Variants in XKR5 observed in about 807,000 individuals in gnomAD.
XKR5 encodes XK-related protein 5.
Under a neutral mutation model 40.8 loss-of-function variants are expected in XKR5, and 46 were observed. The observed-to-expected ratio is 1.13, with a 90% confidence interval of 0.89 to 1.44. The LOEUF (loss-of-function observed/expected upper bound fraction) is 1.44. Among genes scored for constraint, XKR5 ranks in the 40% most tolerant of loss-of-function variants. The pLI is 0.00. For synonymous variants in XKR5, 466 were observed against 356.1 expected (o/e 1.31, Z -3.48); for missense variants, 1,169 against 844.7 (o/e 1.38, Z -4.76).
At position 6,811,221 on chromosome 8, in the gene XKR5, G is replaced by C; in HGVS notation, c.2038C>G (p.Gln680Glu). The C allele has an allele frequency of 6.5e-7, 1 of 1,536,682 alleles. No individual in the cohort carries two copies. Among genetic ancestry groups the C allele is most frequent in the Non-Finnish European group, 8.7e-7 (1 of 1,146,504 alleles). The change falls in exon 7 of 7, where the codon CAA (glutamine) becomes GAA (glutamate). Residue 680 changes from glutamine to glutamate, a missense_variant. Transcript: ENST00000618742. Reference protein sequence around the residue: ...TDCSCREQMKQEPSFFI With the variant: ...TDCSCREQMKEEPSFFI ...GGTCAGATGAAAAAACTCGGCTCTT[G>C]CTTCATCTGTTCCCTGCAGCTGCAG...
chr8:6,830,140 A>G (rs1348956248), intron 2 of XKR5, among the ~76,000 whole-genome samples: 2 of 152,224 alleles, frequency 1.3e-5, no homozygotes, highest in South Asian at 2.1e-4. Context: ...CCAGGCCTCA[A>G]TCCTTGCATT....
rs1804821445 is a variant in XKR5, at chr8:6,832,662, T to C, written c.242+55A>G. The stretch of plus-strand genomic sequence containing the variant: ...AGAATCCACATGGAGAGAAGATTCC[T>C]CTCACTGCACTTGTGCAATTGTGCT... On this transcript the variant is annotated intron_variant, in intron 2 of 6. Coordinates refer to ENST00000618742, the MANE Select transcript of XKR5 (RefSeq NM_207411.5). 3.1e-6 allele frequency: 5 copies of C among 1,594,480 alleles called. No homozygotes were observed. In the Admixed American group the frequency reaches 8.7e-5, roughly 28 times the overall value.
At chr8:6,833,914 C>T (rs976466271) in intron 1 of XKR5, among the ~76,000 whole-genome samples, 2 of 152,192 alleles carry the variant, frequency 1.3e-5, no homozygotes, top group Non-Finnish European at 2.9e-5. Context: ...TCCTCGAGAA[C>T]GATGAAACCT....
intron 2 of XKR5, among the ~76,000 whole-genome samples, chr8:6,830,581 T>C (rs952100076): frequency 6.6e-6 from 1 of 152,216 alleles, no homozygotes; most frequent in Non-Finnish European, 1.5e-5. Flanking sequence ...CTCTATCTTG[T>C]TTTCTAACAT....
rs1804262175 is a variant in XKR5 at position 6,822,022 on chromosome 8, C to G, written c.654G>C (p.Val218=). The G allele has an allele frequency of 3.1e-6, 5 of 1,604,978 alleles. No homozygotes were observed. The South Asian group carries it at 5.6e-5, about 18-fold the overall frequency. ...GCTGGGCGACAAGCCAGAATGTCATCACCAGCCAGTGGGCACCTGCAGAGA... is the reference window on the plus strand; with the variant it reads ...GCTGGGCGACAAGCCAGAATGTCATGACCAGCCAGTGGGCACCTGCAGAGA... ...VFVVAGAHWL[V]MTFWLVAQQS... Residue 218 remains valine (V), a synonymous_variant, in exon 5 of 7, where the codon GTG becomes GTC. Transcript: ENST00000618742.
At chr8:6,827,209 A>G (rs945651434) in intron 2 of XKR5, among the ~76,000 whole-genome samples, 4 of 152,182 alleles carry the variant, frequency 2.6e-5, no homozygotes, top group African/African-American at 7.2e-5. Context: ...TCTACCTAGC[A>G]GCAGCAATAA....
intron 2 of XKR5, among the ~76,000 whole-genome samples, chr8:6,830,748 C>T (rs1007958096): frequency 2.0e-5 from 3 of 152,166 alleles, no homozygotes; most frequent in African/African-American, 7.2e-5. Flanking sequence ...TGTATCTCTT[C>T]ACTTATCTAT....
chr8:6,835,523 G>A lies in XKR5; in HGVS notation c.-30C>T, dbSNP rs776584512. ...CGTGCCGACCCCGCAGCCTGCGCCC[G>A]CCCCTTCCCCTGCACGCGGCCCCGC... On this transcript the variant is annotated 5_prime_UTR_variant, in exon 1 of 7. Coordinates refer to ENST00000618742, the MANE Select transcript of XKR5 (RefSeq NM_207411.5). 2.7e-6 allele frequency: 4 copies of A among 1,484,078 alleles called. No homozygotes were observed. Among genetic ancestry groups the A allele is most frequent in the Middle Eastern group, 3.9e-4 (2 of 5,118 alleles). The allele number at this position is 1,484,078 out of a possible 1,614,324, so 91.9% of individuals were successfully genotyped here.
intron 5 of XKR5, 44 bp from the exon 6 acceptor site, chr8:6,815,962 A>G: frequency 1.4e-6 from 2 of 1,450,544 alleles, no homozygotes; most frequent in Non-Finnish European, 1.9e-6. Context: ...TCAGGTGCAC[A>G]CTGCCTAGGG....
chr8:6,818,365 T>A (rs1206701549), intron 5 of XKR5, among the ~76,000 whole-genome samples: 2 of 152,168 alleles, frequency 1.3e-5, no homozygotes, highest in Non-Finnish European at 2.9e-5. Flanking sequence ...TCCTGTAGGG[T>A]TTTGATAGCG....
chr8:6,817,833 C>G (rs1183384624), intron 5 of XKR5, among the ~76,000 whole-genome samples: 1 of 152,180 alleles, frequency 6.6e-6, no homozygotes, highest in African/African-American at 2.4e-5. Context: ...GTGCATTGCC[C>G]TAACAGGACT....
At position 6,815,923 on chromosome 8, in the gene XKR5, G is replaced by A. The variant is rs538792583; in HGVS notation, c.808-5C>T. 21 of 1,589,180 alleles carry A rather than the reference G, an allele frequency of 1.3e-5. No homozygotes were observed. Among genetic ancestry groups the A allele is most frequent in the East Asian group, 2.3e-5 (1 of 43,482 alleles). On this transcript the variant is annotated splice_polypyrimidine_tract_variant and splice_region_variant and intron_variant, in intron 5 of 6. Coordinates refer to ENST00000618742, the MANE Select transcript of XKR5 (RefSeq NM_207411.5). ...GATGTTCTCCAACAGCATGACCTGC[G>A]GGACCCAGGACAGAGGCACCACACC... is the stretch of plus-strand genomic sequence containing the variant.
In XKR5 at chr8:6,812,030, A is replaced by C. The variant is rs1272381197; in HGVS notation, c.1229T>G (p.Leu410Arg). 3 of 1,537,700 alleles carry C rather than the reference A, an allele frequency of 2.0e-6. No homozygotes were observed. Among genetic ancestry groups the C allele is most frequent in the Non-Finnish European group, 2.6e-6 (3 of 1,146,936 alleles). The change falls in exon 7 of 7, where the codon CTT becomes CGT. Residue 410 changes from leucine to arginine, a missense_variant. Transcript: ENST00000618742. ...LSHHHWLWVK[L>R]ALKTGNVSKI... is the part of the protein sequence containing the mutation. ...AGACACATTTCCTGTTTTTAGGGCAAGTTTCACCCACAGCCAGTGGTGATG... is the reference window on the plus strand; with the variant it reads ...AGACACATTTCCTGTTTTTAGGGCACGTTTCACCCACAGCCAGTGGTGATG...
rs531636400 is a variant in XKR5, at chr8:6,816,682, AT to A, written c.808-765del. On this transcript the variant is annotated intron_variant, in intron 5 of 6. Transcript: ENST00000618742. ...TTTTATTTAATTAAATAATTATTTA[AT>A]TTAATTAAAAATAATTTAATTTTAT... Among the ~76,000 whole-genome samples, 195 of 107,132 alleles carry A rather than the reference AT, an allele frequency of 1.8e-3. No homozygotes were observed. In the Middle Eastern group the frequency reaches 0.021, roughly 12 times the overall value. 70.3% of individuals were successfully genotyped at this position (107,132 alleles called of 152,430 possible).
chr8:6,822,176 G>C, intron 4 of XKR5, 138 bp from the exon 5 acceptor site: 1 of 791,192 alleles, frequency 1.3e-6, no homozygotes, highest in South Asian at 2.0e-5. Flanking sequence ...AAACCCAGAA[G>C]AGATTTGAGG....
At chr8:6,813,872 C>T (rs1039427886) in intron 6 of XKR5, among the ~76,000 whole-genome samples, 10 of 152,306 alleles carry the variant, frequency 6.6e-5, no homozygotes, top group East Asian at 3.9e-4. Context: ...GACAGGTTTT[C>T]GGAGTGGTGT....
chr8:6,823,786 C>T, intron 3 of XKR5, 56 bp from the exon 4 acceptor site: 1 of 1,414,258 alleles, frequency 7.1e-7, no homozygotes, highest in Non-Finnish European at 9.7e-7. Flanking sequence ...GTAACAGTAC[C>T]TTGTGAAGAT....
At position 6,835,429 on chromosome 8, in the gene XKR5, C is replaced by G; in HGVS notation, c.58+7G>C. 6.8e-7 allele frequency: 1 copy of G among 1,479,594 alleles called. No individual in the cohort carries two copies. Among genetic ancestry groups the G allele is most frequent in the Non-Finnish European group, 8.9e-7 (1 of 1,121,950 alleles). 91.7% of individuals were successfully genotyped at this position (1,479,594 alleles called of 1,614,324 possible). The stretch of plus-strand genomic sequence containing the variant: ...GGGTGAGCACAGCCTCGGGCTGCCG[C>G]ACTCACGCGCGCTCTGCTCGGCCGC... On this transcript the variant is annotated splice_region_variant and intron_variant, in intron 1 of 6. Transcript: ENST00000618742.
In XKR5 at chr8:6,812,141, A is replaced by G. The variant is rs1041062251; in HGVS notation, c.1118T>C (p.Ile373Thr). ...CTCAGGGGTAGGGGGCTTCCCTAAA[A>G]TGGTTGGTTCATAACTTGCCCCTTG... Reference protein sequence around the residue: ...SCQGASYEPTILGKPPTPEQV... With the variant: ...SCQGASYEPTTLGKPPTPEQV... The change falls in exon 7 of 7, where the codon ATT becomes ACT. Residue 373 changes from isoleucine (I) to threonine (T), a missense_variant. Physicochemically the swap from Ile to Thr is moderately conservative, Grantham distance 89 (BLOSUM62 -1). Coordinates refer to ENST00000618742, the MANE Select transcript of XKR5 (RefSeq NM_207411.5). The G allele has an allele frequency of 3.9e-6, 6 of 1,550,820 alleles. No individual in the cohort carries two copies. In the African/African-American group the frequency reaches 5.5e-5, roughly 14 times the overall value.
Sources: allele counts gnomAD v4.1 joint callset (sites outside exome capture counted in the v4.1 genomes callset), GRCh38; gene constraint gnomAD v4.1.1; transcripts MANE v1.5; gene names NCBI Gene and HGNC (gene_info 2026-07-23, HGNC 2026-07-21).